The following DPYSL2 variants were observed in gnomAD, a reference collection of about 807,000 sequenced individuals.
DPYSL2 encodes dihydropyrimidinase-related protein 2.
DPYSL2 carries 13 observed loss-of-function variants against 69.9 expected under a neutral mutation model. That is an observed-to-expected ratio of 0.19 (90% CI 0.12 to 0.30). The LOEUF is 0.30. DPYSL2 is among the 10% of genes least tolerant of loss of function. DPYSL2 has a pLI of 1.00. For missense variants in DPYSL2, 587 were observed against 918.9 expected, an observed-to-expected ratio of 0.64 and a Z score of 4.67; for synonymous variants, 326 against 359.1, an observed-to-expected ratio of 0.91 and a Z score of 1.04.
intron 1 of DPYSL2, chr8:26,547,745 CCTGCAAGCAGGCGGAGGT>C (rs1329071433): frequency 7.5e-6 from 2 of 267,716 alleles, no homozygotes; most frequent in African/African-American, 4.4e-5. Flanking sequence ...AGCGGGAAGG[CCTGCAAGCAGGCGGAGGT>C]CTTCAGGCAA....
At chr8:26,567,636 G>A (rs770472638) in intron 1 of DPYSL2, among the ~76,000 whole-genome samples, 8 of 152,266 alleles carry the variant, frequency 5.3e-5, no homozygotes, top group Non-Finnish European at 7.3e-5. Context: ...GGAGTGGTCA[G>A]CTGGACCTGA....
chr8:26,600,244 G>A (rs1326440977), intron 3 of DPYSL2, among the ~76,000 whole-genome samples: 6 of 152,164 alleles, frequency 3.9e-5, no homozygotes, highest in African/African-American at 9.7e-5. Context: ...TTGCGTGGGC[G>A]TGTGTTTTCT....
intron 1 of DPYSL2, among the ~76,000 whole-genome samples, chr8:26,566,455 G>T (rs1374767477): frequency 6.6e-6 from 1 of 152,208 alleles, no homozygotes; most frequent in Non-Finnish European, 1.5e-5. Flanking sequence ...CTAACTCTTG[G>T]ACTATAGGGC....
intron 3 of DPYSL2, among the ~76,000 whole-genome samples, chr8:26,592,300 G>T (rs1801744652): frequency 6.6e-6 from 1 of 152,048 alleles, no homozygotes. Context: ...CTGTAGGTGT[G>T]CACCACTACA....
At chr8:26,532,088 A>G (rs1403188268) in intron 1 of DPYSL2, among the ~76,000 whole-genome samples, 7 of 152,018 alleles carry the variant, frequency 4.6e-5, no homozygotes, top group Admixed American at 4.6e-4. Context: ...CAGAAGGGAG[A>G]GCAGGACTGA....
Position 26,556,343 on chromosome 8 carries a change from A to ATATATATAC in DPYSL2, c.355-25618_355-25617insCTATATATA, listed in dbSNP as rs1800982687. On this transcript the variant is annotated intron_variant, in intron 1 of 13. Coordinates refer to ENST00000521913, the MANE Select transcript of DPYSL2 (RefSeq NM_001197293.3). The stretch of plus-strand genomic sequence containing the variant: ...TATATATATAGTATATATATAGTAT[A>ATATATATAC]TATATATAGTATATATATATAGTAT... 1.3e-4 allele frequency among the ~76,000 whole-genome samples: 3 copies of ATATATATAC among 23,130 alleles called. 1 individual carries two copies. The highest frequency in any genetic ancestry group is 1.1e-4 in the Non-Finnish European group (1 of 9,094). The allele number at this position is 23,130 out of a possible 152,430, so 15.2% of individuals were successfully genotyped here.
chr8:26,644,158 TG>T lies in DPYSL2; in HGVS notation c.1425+71del. 1 of 1,560,722 alleles carries T rather than the reference TG, an allele frequency of 6.4e-7. No individual in the cohort carries two copies. Among genetic ancestry groups the T allele is most frequent in the African/African-American group, 1.4e-5 (1 of 73,728 alleles). ...CCTTGTCCTCCTCATCTGGGGGCCA[TG>T]GGGCTCATGGAGGCCTTGAAATGAC... On this transcript the variant is annotated intron_variant, in intron 10 of 13. Coordinates refer to ENST00000521913, the MANE Select transcript of DPYSL2 (RefSeq NM_001197293.3). This position sits in a 1 kb window ranked among gnomAD's most constrained non-coding sequence, Gnocchi z 4.5.
intron 3 of DPYSL2, among the ~76,000 whole-genome samples, chr8:26,622,256 A>G (rs931063407): frequency 1.3e-5 from 2 of 151,138 alleles, no homozygotes; most frequent in Non-Finnish European, 2.9e-5. Context: ...TATTTTGTCA[A>G]CTTTTCTACA....
intron 1 of DPYSL2, among the ~76,000 whole-genome samples, chr8:26,527,863 C>T (rs1808507223): frequency 7.2e-6 from 1 of 139,840 alleles, no homozygotes; most frequent in African/African-American, 2.6e-5. Context: ...AGTATAGTGG[C>T]GGGATCTGGA....
intron 1 of DPYSL2, among the ~76,000 whole-genome samples, chr8:26,554,363 A>T (rs1800912132): frequency 1.4e-5 from 1 of 72,246 alleles, no homozygotes; most frequent in South Asian, 3.5e-4. Flanking sequence ...CCAGTTTTTA[A>T]TGGTTTTTTT....
chr8:26,598,115 G>A lies in DPYSL2; in HGVS notation c.628+14132G>A, dbSNP rs542809775. Among the ~76,000 whole-genome samples, 2 of 152,136 alleles carry A rather than the reference G, an allele frequency of 1.3e-5. No individual in the cohort carries two copies. Among genetic ancestry groups the A allele is most frequent in the African/African-American group, 2.4e-5 (1 of 41,426 alleles). ...ATCCAGGGAGGTGGTGGCTATGGCA[G>A]GGCTTGGACAAATTACATGTATGGG... On this transcript the variant is annotated intron_variant, in intron 3 of 13. Coordinates refer to ENST00000521913, the MANE Select transcript of DPYSL2 (RefSeq NM_001197293.3). The surrounding 1 kb of genome is among the most constrained non-coding windows in gnomAD (Gnocchi z 4.2).
chr8:26,518,059 G>C (rs1808321545), intron 1 of DPYSL2, among the ~76,000 whole-genome samples: 1 of 152,160 alleles, frequency 6.6e-6, no homozygotes, highest in East Asian at 1.9e-4. Context: ...TTCTTAACTT[G>C]CATTAATCTT....
At chr8:26,545,403 A>G (rs1371874623) in intron 1 of DPYSL2, among the ~76,000 whole-genome samples, 1 of 152,228 alleles carries the variant, frequency 6.6e-6, no homozygotes, top group Admixed American at 6.5e-5. Flanking sequence ...CACACTCCAG[A>G]ACAACCATTG....
In DPYSL2 at chr8:26,562,495, C is replaced by A. The variant is rs951340954; in HGVS notation, c.355-19474C>A. ...TCTGTTTGACCCTTGCACCACCACACTACAGCTGGAATAATATATAAAAAG... is the reference window on the plus strand; with the variant it reads ...TCTGTTTGACCCTTGCACCACCACAATACAGCTGGAATAATATATAAAAAG... On this transcript the variant is annotated intron_variant, in intron 1 of 13. Transcript: ENST00000521913. The surrounding 1 kb of genome is among the most constrained non-coding windows in gnomAD (Gnocchi z 4.9). 6.6e-6 allele frequency among the ~76,000 whole-genome samples: 1 copy of A among 152,270 alleles called. No individual in the cohort carries two copies. Among genetic ancestry groups the A allele is most frequent in the Admixed American group, 6.5e-5 (1 of 15,300 alleles).
rs369399315 is a variant in DPYSL2, at chr8:26,582,077, T to C, written c.443+20T>C. Reference sequence around the variant, plus strand: ...GATCAAGTAAGTGTAACTCATGATATACAGATGTATTTGAACACTTTCCAG... The same window carrying C: ...GATCAAGTAAGTGTAACTCATGATACACAGATGTATTTGAACACTTTCCAG... On this transcript the variant is annotated intron_variant, in intron 2 of 13. Transcript: ENST00000521913. The surrounding 1 kb of genome is among the most constrained non-coding windows in gnomAD (Gnocchi z 4.1). 5.9e-5 allele frequency: 94 copies of C among 1,587,608 alleles called. No individual in the cohort carries two copies. Among genetic ancestry groups the C allele is most frequent in the East Asian group, 4.0e-4 (18 of 44,706 alleles).
In DPYSL2 at chr8:26,621,698, A is replaced by T. The variant is rs1802485543; in HGVS notation, c.629-2445A>T. Among the ~76,000 whole-genome samples, 1 of 152,074 alleles carries T rather than the reference A, an allele frequency of 6.6e-6. No homozygotes were observed. Among genetic ancestry groups the T allele is most frequent in the Admixed American group, 6.5e-5 (1 of 15,274 alleles). On this transcript the variant is annotated intron_variant, in intron 3 of 13. Coordinates refer to ENST00000521913, the MANE Select transcript of DPYSL2 (RefSeq NM_001197293.3). The surrounding 1 kb of genome is among the most constrained non-coding windows in gnomAD (Gnocchi z 4.9). ...GATGCCCAAGTCAAGAGCGAGGGGA[A>T]TGGGTTTCCAGAGAGAGAGAGGGCT...
rs1219006072 is a variant in DPYSL2 at position 26,529,732 on chromosome 8, T to A, written c.354+15053T>A. On this transcript the variant is annotated intron_variant, in intron 1 of 13. Coordinates refer to ENST00000521913, the MANE Select transcript of DPYSL2 (RefSeq NM_001197293.3). The stretch of plus-strand genomic sequence containing the variant: ...GATTTTTAAATTTTAACCGTAATTT[T>A]TTTTTTTTTTTTTTTTTACAAATGA... Among the ~76,000 whole-genome samples, 8 of 148,926 alleles carry A rather than the reference T, an allele frequency of 5.4e-5. No homozygotes were observed. In the East Asian group the frequency reaches 1.6e-3, roughly 29 times the overall value.
chr8:26,525,689 AG>A (rs1414905225), intron 1 of DPYSL2, among the ~76,000 whole-genome samples: 1 of 152,194 alleles, frequency 6.6e-6, no homozygotes, highest in Non-Finnish European at 1.5e-5. Flanking sequence ...TATATACACC[AG>A]GATCAGTTTT....
rs1164832286 is a variant in DPYSL2 at position 26,514,690 on chromosome 8, G to T, written c.354+11G>T. On this transcript the variant is annotated intron_variant, in intron 1 of 13. Coordinates refer to ENST00000521913, the MANE Select transcript of DPYSL2 (RefSeq NM_001197293.3). This position sits in a 1 kb window ranked among gnomAD's most constrained non-coding sequence, Gnocchi z 8.4. ...AACATCAACGACCAGGTCGGTGTGG[G>T]GGTTGGGGGTGGAGACGGAGGACGG... The T allele has an allele frequency of 1.1e-5, 15 of 1,392,204 alleles. 1 individual carries two copies. In the Admixed American group the frequency reaches 4.6e-4, roughly 43 times the overall value. The allele number at this position is 1,392,204 out of a possible 1,614,324, so 86.2% of individuals were successfully genotyped here. A position where few individuals can be genotyped will look rare whatever the true frequency, so the allele number is the denominator to read the frequency against.
Sources: gnomAD v4.1 joint callset for allele counts (sites outside exome capture counted in the v4.1 genomes callset) on GRCh38, gnomAD v4.1.1 for gene constraint, Gnocchi (gnomAD v3.1) non-coding constraint, MANE v1.5 for transcripts, NCBI Gene and HGNC (gene_info 2026-07-23, HGNC 2026-07-21) for gene names.